Variants in TCF20 observed in about 807,000 individuals in gnomAD.
TCF20 encodes the protein transcription factor 20, also known as SPRE-binding protein.
Under a neutral mutation model 148.6 loss-of-function variants are expected in TCF20, and 3 were observed. The ratio of observed to expected loss-of-function variants is 0.02; its 90% CI spans 0.01 to 0.05. The LOEUF (loss-of-function observed/expected upper bound fraction) is 0.05. TCF20 is among the 10% of genes least tolerant of loss of function. The pLI, the probability that TCF20 is intolerant of heterozygous loss-of-function variation, is 1.00. For synonymous variants in TCF20, 1,049 were observed against 909.5 expected (o/e 1.15, Z -2.76); for missense variants, 2,350 against 2,429.3 (o/e 0.97, Z 0.69).
intron 1 of TCF20, among the ~76,000 whole-genome samples, chr22:42,316,569 C>G (rs113593465): frequency 6.6e-6 from 1 of 152,232 alleles, no homozygotes; most frequent in Non-Finnish European, 1.5e-5. Flanking sequence ...TCCTGAGCAG[C>G]TGGGACTACA....
chr22:42,214,581 G>T lies in TCF20; in HGVS notation c.725C>A (p.Ser242Tyr). The T allele has an allele frequency of 6.2e-7, 1 of 1,614,112 alleles. No homozygotes were observed. Among genetic ancestry groups the T allele is most frequent in the Non-Finnish European group, 8.5e-7 (1 of 1,180,042 alleles). Residue 242 changes from serine (S) to tyrosine (Y), a missense_variant, in exon 2 of 6, where the codon TCC becomes TAC. Around this residue, in one of 7 missense-constraint regions of TCF20, gnomAD observed 1,641 missense variants for 1,662.6 expected, o/e 0.99. Transcript: ENST00000677622. The part of the protein sequence containing the change: ...GQHYQSSASS[S>Y]SSSSFPSPQR... ...TGGTGAAGGGAAGGAGGAGGAGGAG[G>T]AGGAGGAAGCAGAAGACTGATAGTG... is the stretch of plus-strand genomic sequence containing the variant.
At chr22:42,209,430 A>G (rs968838153) in intron 2 of TCF20, among the ~76,000 whole-genome samples, 3 of 152,200 alleles carry the variant, frequency 2.0e-5, no homozygotes, top group Non-Finnish European at 4.4e-5. Flanking sequence ...TTGAAATATA[A>G]TAATATGCTT....
rs1569196421 is a variant in TCF20, at chr22:42,270,334, G to A, written c.-37+5C>T. ...CCCTGCCCCTCAGGCCCGGGAGGCG[G>A]TTACCTGCAGGAGCCCCCCGCCCAG... is the stretch of plus-strand genomic sequence containing the variant. On this transcript the variant is annotated splice_donor_5th_base_variant and intron_variant, in intron 1 of 5. Transcript: ENST00000677622. 6.6e-6 allele frequency among the ~76,000 whole-genome samples: 1 copy of A among 151,766 alleles called. No individual in the cohort carries two copies. Among genetic ancestry groups the A allele is most frequent in the African/African-American group, 2.4e-5 (1 of 41,404 alleles).
chr22:42,209,123 C>T (rs1274299326), intron 2 of TCF20, among the ~76,000 whole-genome samples: 1 of 152,214 alleles, frequency 6.6e-6, no homozygotes, highest in Non-Finnish European at 1.5e-5. Flanking sequence ...AGCCAACTCT[C>T]AATTAAGCAT....
chr22:42,333,214 C>T (rs963982701), intron 1 of TCF20, among the ~76,000 whole-genome samples: 2 of 151,828 alleles, frequency 1.3e-5, no homozygotes, highest in Admixed American at 1.3e-4. Flanking sequence ...GGAGCTGCCT[C>T]GCTGTGCAGA....
intron 2 of TCF20, among the ~76,000 whole-genome samples, chr22:42,195,491 T>C (rs1937544968): frequency 6.6e-6 from 1 of 151,820 alleles, no homozygotes; most frequent in South Asian, 2.1e-4. Flanking sequence ...TTATTTCCAA[T>C]ATTACATACT....
At chr22:42,167,125 C>T (rs909880203) in intron 5 of TCF20, among the ~76,000 whole-genome samples, 6 of 152,140 alleles carry the variant, frequency 3.9e-5, no homozygotes, top group Non-Finnish European at 8.8e-5. Context: ...TTCCTCTGAC[C>T]CAGGAACACA....
intron 1 of TCF20, among the ~76,000 whole-genome samples, chr22:42,323,875 GT>G (rs1927785855): frequency 2.3e-5 from 3 of 133,318 alleles, no homozygotes; most frequent in African/African-American, 7.7e-5. Flanking sequence ...GGTGGTGGTG[GT>G]GGTGGTGATG....
intron 1 of TCF20, among the ~76,000 whole-genome samples, chr22:42,237,171 C>A (rs1038335989): frequency 2.6e-5 from 4 of 152,170 alleles, no homozygotes; most frequent in Non-Finnish European, 5.9e-5. Flanking sequence ...TTCAAAACTG[C>A]AGTCAGTTCT....
In TCF20 at chr22:42,171,992, C is replaced by T. The variant is rs181543588; in HGVS notation, c.5750-2096G>A. ...AAAACACGCCTCATGTTAGGAAATG[C>T]GTTCCCTCTGAGTTAGAAGCAGAAA... On this transcript the variant is annotated intron_variant, in intron 3 of 5. Transcript: ENST00000677622. Among the ~76,000 whole-genome samples, 557 of 152,304 alleles carry T rather than the reference C, an allele frequency of 3.7e-3. 8 individuals carry two copies. The highest frequency in any genetic ancestry group is 1.1e-3 in the Non-Finnish European group (75 of 68,028).
intron 1 of TCF20, among the ~76,000 whole-genome samples, chr22:42,255,479 C>T (rs1925681961): frequency 7.0e-6 from 1 of 142,594 alleles, no homozygotes; most frequent in Non-Finnish European, 1.5e-5. Flanking sequence ...CAGAGTGAGA[C>T]TTCATCTCAA....
chr22:42,225,189 T>C (rs1465276343), intron 1 of TCF20, among the ~76,000 whole-genome samples: 1 of 152,012 alleles, frequency 6.6e-6, no homozygotes, highest in Non-Finnish European at 1.5e-5. Flanking sequence ...AGAGACAGCA[T>C]TTCGCCATGT....
Position 42,215,177 on chromosome 22 carries a change from A to G in TCF20, c.129T>C (p.Gly43=). 6.2e-7 allele frequency: 1 copy of G among 1,613,978 alleles called. No homozygotes were observed. Among genetic ancestry groups the G allele is most frequent in the Non-Finnish European group, 8.5e-7 (1 of 1,179,978 alleles). ...RQAQMFQNFG[G]TGGSSGSSGS... ...CACTGCTGCCACTACTGCCACCTGT[A>G]CCTCCAAAATTCTGGAACATCTGGG... The change falls in exon 2 of 6, where the codon GGT becomes GGC. Residue 43 remains glycine (G), a synonymous_variant. Coordinates refer to ENST00000677622, the MANE Select transcript of TCF20 (RefSeq NM_001378418.1).
intron 3 of TCF20, among the ~76,000 whole-genome samples, chr22:42,170,399 T>C (rs1936053734): frequency 1.3e-5 from 2 of 150,962 alleles, no homozygotes; most frequent in Admixed American, 6.6e-5. Flanking sequence ...TCCCAGCTAC[T>C]TGGGAGGCTG....
intron 1 of TCF20, among the ~76,000 whole-genome samples, chr22:42,339,575 G>A (rs944725915): frequency 1.4e-4 from 21 of 152,228 alleles, no homozygotes; most frequent in African/African-American, 5.1e-4. Flanking sequence ...CGCTCACTCT[G>A]CACCCACTCT....
intron 2 of TCF20, among the ~76,000 whole-genome samples, chr22:42,199,112 A>G (rs961427892): frequency 4.6e-5 from 7 of 152,212 alleles, no homozygotes; most frequent in Admixed American, 2.0e-4. Flanking sequence ...TTGGGTTATC[A>G]GGATTGCGGC....
intron 1 of TCF20, among the ~76,000 whole-genome samples, chr22:42,260,497 G>A (rs1394855083): frequency 6.6e-6 from 1 of 152,078 alleles, no homozygotes; most frequent in Non-Finnish European, 1.5e-5. Flanking sequence ...CAGATAAGAG[G>A]GTATGGTTCT....
At chr22:42,172,157 A>C (rs1224868993) in intron 3 of TCF20, among the ~76,000 whole-genome samples, 1 of 151,958 alleles carries the variant, frequency 6.6e-6, no homozygotes, top group African/African-American at 2.4e-5. Context: ...CACTGTGCAG[A>C]CAATGCCCTC....
chr22:42,210,939 G>C lies in TCF20; in HGVS notation c.4367C>G (p.Ala1456Gly). ...KTETHAETVT[A>G]GKEPPGAMTS... ...CATGGCACCAGGGGGTTCCTTTCCG[G>C]CAGTAACTGTTTCTGCATGTGTCTC... Residue 1456 changes from alanine (A) to glycine (G), a missense_variant, in exon 2 of 6, where the codon GCC (alanine) becomes GGC (glycine). Around this residue, in one of 7 missense-constraint regions of TCF20, gnomAD observed 231 missense variants for 213.7 expected, o/e 1.08. Coordinates refer to ENST00000677622, the MANE Select transcript of TCF20 (RefSeq NM_001378418.1). This position sits in a 1 kb window ranked among gnomAD's most constrained non-coding sequence, Gnocchi z 4.7. 2 of 1,614,076 alleles carry C rather than the reference G, an allele frequency of 1.2e-6. No individual in the cohort carries two copies. Among genetic ancestry groups the C allele is most frequent in the Middle Eastern group, 3.3e-4 (2 of 6,060 alleles).
Sources: allele counts gnomAD v4.1 joint callset (sites outside exome capture counted in the v4.1 genomes callset), GRCh38; gene constraint gnomAD v4.1.1; regional missense constraint gnomAD v4.1.1; non-coding constraint Gnocchi (gnomAD v3.1); transcripts MANE v1.5; gene names NCBI Gene and HGNC (gene_info 2026-07-23, HGNC 2026-07-21).